The following RBMS3 variants were observed in gnomAD, a reference collection of about 807,000 sequenced individuals.
RBMS3 encodes RNA-binding motif, single-stranded-interacting protein 3.
In RBMS3, 27 loss-of-function variants were observed where a neutral mutation model predicts 66.8. That is an observed-to-expected ratio of 0.40 (90% confidence interval 0.30 to 0.56). The LOEUF (loss-of-function observed/expected upper bound fraction) is 0.56, where lower values mean the gene tolerates loss of function less well. Ranked by LOEUF, RBMS3 falls within the 20% of genes least tolerant of loss-of-function variation. RBMS3 has a pLI of 0.40. For missense variants in RBMS3, 513 were observed against 549.5 expected, an observed-to-expected ratio of 0.93 and a Z score of 0.66; for synonymous variants, 188 against 183.0, an observed-to-expected ratio of 1.03 and a Z score of -0.22.
intron 4 of RBMS3, among the ~76,000 whole-genome samples, chr3:29,620,171 T>C (rs549341106): frequency 5.3e-4 from 80 of 152,256 alleles, no homozygotes; most frequent in African/African-American, 1.9e-3. Context: ...TTAATAATTT[T>C]TTTCTTGGCT....
At chr3:29,675,517 C>A (rs2051205794) in intron 4 of RBMS3, among the ~76,000 whole-genome samples, 1 of 152,116 alleles carries the variant, frequency 6.6e-6, no homozygotes, top group Non-Finnish European at 1.5e-5. Flanking sequence ...AAAATTTTTG[C>A]AATCTACCTC....
At chr3:29,496,295 C>T (rs1398879906) in intron 3 of RBMS3, among the ~76,000 whole-genome samples, 1 of 151,638 alleles carries the variant, frequency 6.6e-6, no homozygotes, top group African/African-American at 2.4e-5. Context: ...TTTCCCTAGC[C>T]TTTTTTTGTG....
intron 3 of RBMS3, among the ~76,000 whole-genome samples, chr3:29,564,264 G>C (rs2046662065): frequency 6.6e-6 from 1 of 151,898 alleles, no homozygotes; most frequent in African/African-American, 2.4e-5. Flanking sequence ...ATCACCTGAG[G>C]TCAGGAGTTT....
intron 4 of RBMS3, among the ~76,000 whole-genome samples, chr3:29,719,577 T>TGAG (rs2053553231): frequency 1.3e-5 from 2 of 152,134 alleles, no homozygotes; most frequent in Admixed American, 1.3e-4. Context: ...TGAGTCAGAT[T>TGAG]GCAAAACTAG....
rs367724750 is a variant in RBMS3, at chr3:29,892,690, T to G, written c.792-4689T>G. On this transcript the variant is annotated intron_variant, in intron 8 of 14. Transcript: ENST00000383767. ...CTGTAACAACATTTGCAAGGCATAA[T>G]GCATAATGCATATATTACCAAATAC... Among the ~76,000 whole-genome samples, 8 of 151,462 alleles carry G rather than the reference T, an allele frequency of 5.3e-5. No homozygotes were observed. The South Asian group carries it at 1.2e-3, about 24-fold the overall frequency.
At chr3:29,737,794 C>T (rs1389141588) in intron 4 of RBMS3, among the ~76,000 whole-genome samples, 1 of 150,298 alleles carries the variant, frequency 6.7e-6, no homozygotes, top group Non-Finnish European at 1.5e-5. Flanking sequence ...TTAACAGTTA[C>T]TGGTGGTGAT....
At chr3:29,345,452 G>A (rs1044618571) in intron 1 of RBMS3, among the ~76,000 whole-genome samples, 2 of 151,920 alleles carry the variant, frequency 1.3e-5, no homozygotes, top group Admixed American at 1.3e-4. Context: ...CCCACTCTTT[G>A]TCTCTCACTG....
At chr3:29,898,772 CT>C (rs907752430) in intron 9 of RBMS3, among the ~76,000 whole-genome samples, 7 of 103,696 alleles carry the variant, frequency 6.8e-5, no homozygotes, top group African/African-American at 2.3e-4. Flanking sequence ...TGTGTGTTTC[CT>C]TTTTTTTTCT....
At chr3:29,430,042 T>G (rs2125715656) in intron 1 of RBMS3, among the ~76,000 whole-genome samples, 1 of 152,280 alleles carries the variant, frequency 6.6e-6, no homozygotes, top group East Asian at 1.9e-4. Context: ...ACAAATTAAT[T>G]CATTTAGGCC....
Position 29,685,184 on chromosome 3 carries a change from G to A in RBMS3, c.400-54536G>A, listed in dbSNP as rs185553910. On this transcript the variant is annotated intron_variant, in intron 4 of 14. Coordinates refer to ENST00000383767, the MANE Select transcript of RBMS3 (RefSeq NM_001003793.3). ...CACCATTCTCCTGCCTCAGCCTCCCGAGTAGCTGGGACTACAGGCGCCCGC... is the reference window on the plus strand; with the variant it reads ...CACCATTCTCCTGCCTCAGCCTCCCAAGTAGCTGGGACTACAGGCGCCCGC... Among the ~76,000 whole-genome samples the A allele has an allele frequency of 2.8e-3, 431 of 152,002 alleles. 2 individuals are homozygous for A. Among genetic ancestry groups the A allele is most frequent in the African/African-American group, 9.6e-3 (399 of 41,468 alleles).
chr3:29,490,620 C>G (rs2043507447), intron 3 of RBMS3, among the ~76,000 whole-genome samples: 1 of 151,922 alleles, frequency 6.6e-6, no homozygotes, highest in Admixed American at 6.6e-5. Flanking sequence ...TGTAAGAAAG[C>G]CCAGGGCTAC....
intron 6 of RBMS3, among the ~76,000 whole-genome samples, chr3:29,854,351 T>A (rs189469711): frequency 2.1e-4 from 32 of 152,322 alleles, no homozygotes; most frequent in Middle Eastern, 3.4e-3. Flanking sequence ...CAGGGGCAAA[T>A]CTGGCACATC....
At chr3:29,837,663 CATATAT>C (rs3070797) in intron 6 of RBMS3, among the ~76,000 whole-genome samples, 1,873 of 67,394 alleles carry the variant, frequency 0.028, 32 homozygotes, top group East Asian at 0.071. Context: ...ATATAATGAA[CATATAT>C]ATATATATAT....
chr3:29,365,378 G>A lies in RBMS3; in HGVS notation c.76-69365G>A, dbSNP rs562298060. ...ATTGCCATTCAATTTAAGAAATTCA[G>A]TGGAAAAAAACATTTTTCCATCATT... On this transcript the variant is annotated intron_variant, in intron 1 of 14. Transcript: ENST00000383767. 3.3e-5 allele frequency among the ~76,000 whole-genome samples: 5 copies of A among 151,578 alleles called. No homozygotes were observed. In the East Asian group the frequency reaches 9.7e-4, roughly 29 times the overall value.
chr3:29,465,585 AG>A (rs2042516370), intron 2 of RBMS3, among the ~76,000 whole-genome samples: 1 of 148,380 alleles, frequency 6.7e-6, no homozygotes, highest in African/African-American at 2.5e-5. Flanking sequence ...CCCTGAGCTG[AG>A]GGGTCTTTCA....
chr3:29,329,290 A>G (rs767192723), intron 1 of RBMS3, among the ~76,000 whole-genome samples: 1 of 152,136 alleles, frequency 6.6e-6, no homozygotes, highest in Non-Finnish European at 1.5e-5. Flanking sequence ...TTGTAAGTAT[A>G]TGAACCTTAA....
intron 3 of RBMS3, among the ~76,000 whole-genome samples, chr3:29,545,890 T>C (rs1421346101): frequency 6.6e-6 from 1 of 152,208 alleles, no homozygotes; most frequent in East Asian, 1.9e-4. Flanking sequence ...TCTCTAGTCT[T>C]TTGATTTTAA....
chr3:29,983,052 G>T (rs1019952423), intron 12 of RBMS3, among the ~76,000 whole-genome samples: 2 of 152,148 alleles, frequency 1.3e-5, no homozygotes, highest in African/African-American at 4.8e-5. Context: ...AAGTCTCTTT[G>T]TAGGTCTCTA....
At chr3:29,679,599 A>G (rs1047660654) in intron 4 of RBMS3, among the ~76,000 whole-genome samples, 17 of 152,042 alleles carry the variant, frequency 1.1e-4, no homozygotes, top group Non-Finnish European at 2.4e-4. Flanking sequence ...CAAGCAGTGA[A>G]CCCTTGATAC....
Sources: allele counts gnomAD v4.1 joint callset (sites outside exome capture counted in the v4.1 genomes callset), GRCh38; gene constraint gnomAD v4.1.1; transcripts MANE v1.5; gene names NCBI Gene and HGNC (gene_info 2026-07-23, HGNC 2026-07-21).